SLCO1A2: variants seen among roughly 807,000 people sequenced by gnomAD.
SLCO1A2 encodes the protein OATP-1.
Under a neutral mutation model 69.0 loss-of-function variants are expected in SLCO1A2, and 67 were observed. That is an observed-to-expected ratio of 0.97 (90% CI 0.80 to 1.19). The LOEUF is 1.19. Ranked by LOEUF, SLCO1A2 falls within the 50% of genes most tolerant of loss-of-function variation. SLCO1A2 has a pLI of 0.00. For missense variants in SLCO1A2, 787 were observed against 793.7 expected (o/e 0.99, Z 0.10); for synonymous variants, 260 against 265.9 (o/e 0.98, Z 0.22).
rs1342859020 is a variant in SLCO1A2, at chr12:21,361,912, C to T, written c.-63+12487G>A. Among the ~76,000 whole-genome samples, 4 of 152,074 alleles carry T rather than the reference C, an allele frequency of 2.6e-5. No individual in the cohort carries two copies. The East Asian group carries it at 7.7e-4, about 29-fold the overall frequency. Reference sequence around the variant, plus strand: ...GGACTATGTGAAAAGACCAAATCTACGTCTGATTGGTGTACCTGAAAATGA... The same window carrying T: ...GGACTATGTGAAAAGACCAAATCTATGTCTGATTGGTGTACCTGAAAATGA... On this transcript the variant is annotated intron_variant, in intron 2 of 15. Coordinates refer to the SLCO1A2 transcript ENST00000307378.
chr12:21,342,546 C>A (rs1225912355), intron 2 of SLCO1A2, among the ~76,000 whole-genome samples: 1 of 151,852 alleles, frequency 6.6e-6, no homozygotes, highest in African/African-American at 2.4e-5. Context: ...ATAATGTCAT[C>A]TATAAATTTA....
intron 1 of SLCO1A2, among the ~76,000 whole-genome samples, chr12:21,393,957 A>G (rs950844243): frequency 5.3e-5 from 8 of 152,196 alleles, no homozygotes; most frequent in African/African-American, 1.2e-4. Flanking sequence ...TCATGTAAAC[A>G]TATTTCCTAG....
chr12:21,341,856 C>G, intron 2 of SLCO1A2, among the ~76,000 whole-genome samples: 1 of 152,012 alleles, frequency 6.6e-6, no homozygotes, highest in East Asian at 1.9e-4. Flanking sequence ...AGTGTCCATT[C>G]AGATTTCTAC....
chr12:21,347,373 C>T (rs890842308), intron 2 of SLCO1A2, among the ~76,000 whole-genome samples: 9 of 152,110 alleles, frequency 5.9e-5, no homozygotes, highest in Non-Finnish European at 1.0e-4. Flanking sequence ...GGGCCAGGTG[C>T]GGTGGCTTAT....
chr12:21,286,839 C>T (rs201256279), intron 12 of SLCO1A2, among the ~76,000 whole-genome samples: 1 of 146,610 alleles, frequency 6.8e-6, no homozygotes, highest in Non-Finnish European at 1.5e-5. Context: ...CCCTTCCTTA[C>T]ACCTTATACA....
chr12:21,371,640 A>G (rs1939798016), intron 2 of SLCO1A2, among the ~76,000 whole-genome samples: 1 of 152,206 alleles, frequency 6.6e-6, no homozygotes, highest in Non-Finnish European at 1.5e-5. Flanking sequence ...CTGACAATTG[A>G]AATTTATTTG....
chr12:21,296,501 C>T (rs924996283), intron 9 of SLCO1A2, among the ~76,000 whole-genome samples: 1 of 152,128 alleles, frequency 6.6e-6, no homozygotes, highest in Non-Finnish European at 1.5e-5. Flanking sequence ...CCTCAGCATC[C>T]CAAAGTGCTG....
At chr12:21,350,835 CAA>C (rs11454466) in intron 2 of SLCO1A2, among the ~76,000 whole-genome samples, 6 of 40,730 alleles carry the variant, frequency 1.5e-4, no homozygotes, top group African/African-American at 4.0e-4. Context: ...GACTCTGTCT[CAA>C]AAAAAAAAAA....
intron 1 of SLCO1A2, among the ~76,000 whole-genome samples, chr12:21,385,277 C>G (rs1232135712): frequency 6.6e-6 from 1 of 152,162 alleles, no homozygotes; most frequent in African/African-American, 2.4e-5. Flanking sequence ...TGACTCCATG[C>G]CTCCACTTTG....
At chr12:21,374,419 T>C (rs1940035440) in exon 2 of SLCO1A2, 1 of 152,168 alleles carries the variant, frequency 6.6e-6, no homozygotes, top group Admixed American at 6.5e-5. Flanking sequence ...AGTGTGCATG[T>C]CATATTATAA....
In SLCO1A2 at chr12:21,334,862, G is replaced by T; in HGVS notation, c.-98C>A. ...TTAATACAGATTAGAAAATCATGGT[G>T]TTAGAGAAGATTTAGTTGTTGGTTT... is the stretch of plus-strand genomic sequence containing the variant. On this transcript the variant is annotated 5_prime_UTR_variant, in exon 1 of 15. Coordinates refer to ENST00000683939, the MANE Select transcript of SLCO1A2 (RefSeq NM_001386879.1). 2.3e-6 allele frequency: 1 copy of T among 431,516 alleles called. No homozygotes were observed. The highest frequency in any genetic ancestry group is 4.1e-6 in the Non-Finnish European group (1 of 245,334). The allele number at this position is 431,516 out of a possible 1,614,324, so 26.7% of individuals were successfully genotyped here. A position where few individuals can be genotyped will look rare whatever the true frequency, so the allele number is the denominator to read the frequency against.
At chr12:21,340,660 A>G (rs534274192) in intron 2 of SLCO1A2, among the ~76,000 whole-genome samples, 3 of 151,932 alleles carry the variant, frequency 2.0e-5, no homozygotes, top group African/African-American at 7.2e-5. Context: ...TCCACTTGCC[A>G]TTGGATCCTC....
intron 14 of SLCO1A2, 69 bp downstream of exon 14, chr12:21,274,400 G>A (rs939089221): frequency 4.1e-5 from 39 of 950,712 alleles, no homozygotes; most frequent in African/African-American, 6.5e-5. Context: ...AAAAAGTTAC[G>A]TGTGAATGGT....
At chr12:21,280,142 A>C (rs755763878) in intron 12 of SLCO1A2, among the ~76,000 whole-genome samples, 1 of 152,116 alleles carries the variant, frequency 6.6e-6, no homozygotes, top group African/African-American at 2.4e-5. Context: ...AAAGCATACC[A>C]CTAGAGATAA....
At chr12:21,408,013 C>G (rs1038494798) in intron 1 of SLCO1A2, among the ~76,000 whole-genome samples, 7 of 152,056 alleles carry the variant, frequency 4.6e-5, no homozygotes, top group Non-Finnish European at 7.4e-5. Flanking sequence ...GGTTTACTGA[C>G]TGAGCTTTTC....
intron 4 of SLCO1A2, among the ~76,000 whole-genome samples, chr12:21,312,087 G>C (rs1950289324): frequency 6.6e-6 from 1 of 151,454 alleles, no homozygotes; most frequent in South Asian, 2.1e-4. Flanking sequence ...AGAGGAGGAG[G>C]AGGAAGGAGA....
chr12:21,316,425 T>C (rs1476546280), intron 3 of SLCO1A2, among the ~76,000 whole-genome samples: 2 of 152,170 alleles, frequency 1.3e-5, no homozygotes, highest in Non-Finnish European at 2.9e-5. Flanking sequence ...CCTTCACTGC[T>C]TCCTAGCGTC....
chr12:21,306,924 C>T lies in SLCO1A2; in HGVS notation c.400G>A (p.Glu134Lys). ...NLSSNSFLCMENGTQILRPTQ... is the reference protein window; with the variant it reads ...NLSSNSFLCMKNGTQILRPTQ... The stretch of plus-strand genomic sequence containing the variant: ...GGTCTTAAAATCTGGGTTCCATTTT[C>T]CATACACAAGAAACTGTTTGAGGAC... Residue 134 changes from glutamate (E) to lysine (K), a missense_variant, in exon 5 of 15, where the codon GAA becomes AAA. Physicochemically the swap from Glu to Lys is moderately conservative, Grantham distance 56. Transcript: ENST00000683939. 1.9e-6 allele frequency: 3 copies of T among 1,613,880 alleles called. No homozygotes were observed. Among genetic ancestry groups the T allele is most frequent in the Non-Finnish European group, 2.5e-6 (3 of 1,179,864 alleles).
At chr12:21,406,687 C>T (rs1941828373) in intron 1 of SLCO1A2, among the ~76,000 whole-genome samples, 2 of 152,120 alleles carry the variant, frequency 1.3e-5, no homozygotes, top group Non-Finnish European at 2.9e-5. Flanking sequence ...TACAGATAGG[C>T]TTTATCATCC....
Sources: allele counts gnomAD v4.1 joint callset (sites outside exome capture counted in the v4.1 genomes callset), GRCh38; gene constraint gnomAD v4.1.1; transcripts MANE v1.5; gene names NCBI Gene and HGNC (gene_info 2026-07-23, HGNC 2026-07-21).